Variants in DCC observed in about 807,000 individuals in gnomAD.
DCC encodes the protein netrin receptor DCC.
A neutral mutation model predicts 172.5 loss-of-function variants in DCC; 58 were observed. That is an observed-to-expected ratio of 0.34 (90% confidence interval 0.27 to 0.42). DCC has a LOEUF of 0.42. Ranked by LOEUF, DCC falls within the 10% of genes least tolerant of loss-of-function variation. DCC has a pLI of 1.00. For missense variants in DCC, 1,740 were observed against 1,791.0 expected (o/e 0.97, Z 0.51); for synonymous variants, 709 against 644.5 (o/e 1.10, Z -1.52).
chr18:53,215,734 G>C, intron 12 of DCC, 137 bp downstream of exon 12: 1 of 761,678 alleles, frequency 1.3e-6, no homozygotes, highest in South Asian at 1.4e-5. Flanking sequence ...AACACAGCAA[G>C]TGACATTGAT....
chr18:53,071,286 G>A (rs1599096672), intron 7 of DCC, among the ~76,000 whole-genome samples: 1 of 152,234 alleles, frequency 6.6e-6, no homozygotes, highest in East Asian at 1.9e-4. Context: ...TAAATTGAGT[G>A]AATGACTTGT....
At chr18:53,454,233 T>C (rs1228673733) in intron 23 of DCC, among the ~76,000 whole-genome samples, 3 of 152,132 alleles carry the variant, frequency 2.0e-5, no homozygotes, top group Non-Finnish European at 4.4e-5. Context: ...CAGTCCCAGA[T>C]ACTCAGGAGG....
chr18:53,098,418 T>C (rs1489289860), intron 7 of DCC, among the ~76,000 whole-genome samples: 1 of 152,210 alleles, frequency 6.6e-6, no homozygotes, highest in Non-Finnish European at 1.5e-5. Flanking sequence ...TTTCAATCTG[T>C]AACACTTTTT....
At chr18:53,215,057 G>T (rs1337826779) in intron 11 of DCC, among the ~76,000 whole-genome samples, 1 of 152,168 alleles carries the variant, frequency 6.6e-6, no homozygotes, top group Admixed American at 6.5e-5. Context: ...GAACTGAGAA[G>T]TATTTCTTCT....
chr18:52,739,296 T>C (rs953194581), intron 1 of DCC, among the ~76,000 whole-genome samples: 2 of 152,188 alleles, frequency 1.3e-5, no homozygotes, highest in Non-Finnish European at 2.9e-5. Context: ...ACATATGTTA[T>C]GATTTTTCTT....
chr18:53,376,822 T>C (rs767623669), intron 15 of DCC, among the ~76,000 whole-genome samples: 3 of 152,178 alleles, frequency 2.0e-5, no homozygotes, highest in Non-Finnish European at 4.4e-5. Context: ...CTTTATCTCA[T>C]TATCAAACTC....
intron 13 of DCC, among the ~76,000 whole-genome samples, chr18:53,306,508 T>G (rs1434140921): frequency 6.6e-6 from 1 of 152,216 alleles, no homozygotes; most frequent in East Asian, 1.9e-4. Flanking sequence ...AACACAGCAC[T>G]TGCTAGGTCT....
At chr18:52,940,404 T>C (rs2040443217) in intron 5 of DCC, among the ~76,000 whole-genome samples, 1 of 152,056 alleles carries the variant, frequency 6.6e-6, no homozygotes, top group Non-Finnish European at 1.5e-5. Flanking sequence ...TCTTAAAATA[T>C]CCCTTGTGTA....
At chr18:52,435,763 C>T (rs1236026491) in intron 1 of DCC, among the ~76,000 whole-genome samples, 2 of 152,148 alleles carry the variant, frequency 1.3e-5, no homozygotes, top group Non-Finnish European at 2.9e-5. Flanking sequence ...GTCTCGCTGC[C>T]CCGTGTTGGG....
intron 18 of DCC, among the ~76,000 whole-genome samples, chr18:53,402,410 A>G (rs1449463238): frequency 6.7e-6 from 1 of 149,384 alleles, no homozygotes; most frequent in Non-Finnish European, 1.5e-5. Flanking sequence ...AAAAATAAAT[A>G]AATAAATAAT....
In DCC at chr18:52,862,750, CTTACTCTT is replaced by C. The variant is rs1448941797; in HGVS notation, c.413-43289_413-43282del. ...AAAAAAAATTCAAAAATCAAAAACA[CTTACTCTT>C]TTACAGAGAGGAGAATCAGGTTTCC... On this transcript the variant is annotated intron_variant, in intron 2 of 28. Transcript: ENST00000442544. Among the ~76,000 whole-genome samples the C allele has an allele frequency of 1.2e-4, 18 of 150,898 alleles. No individual in the cohort carries two copies. In the South Asian group the frequency reaches 3.7e-3, roughly 31 times the overall value.
chr18:52,667,041 C>A (rs1164797742), intron 1 of DCC, among the ~76,000 whole-genome samples: 2 of 151,890 alleles, frequency 1.3e-5, no homozygotes, highest in Non-Finnish European at 2.9e-5. Flanking sequence ...ATCTGTGAGT[C>A]AAAATTTGAG....
At chr18:52,374,504 CTATA>C (rs111531316) in intron 1 of DCC, among the ~76,000 whole-genome samples, 1 of 147,430 alleles carries the variant, frequency 6.8e-6, no homozygotes. Flanking sequence ...GCTATAAATG[CTATA>C]TATATATATA....
At chr18:52,563,151 A>G (rs1037749429) in intron 1 of DCC, among the ~76,000 whole-genome samples, 6 of 152,150 alleles carry the variant, frequency 3.9e-5, no homozygotes, top group African/African-American at 1.4e-4. Flanking sequence ...CACAATGGGA[A>G]AAGGAAGGAA....
At chr18:52,919,798 A>G (rs1425738643) in intron 3 of DCC, among the ~76,000 whole-genome samples, 2 of 152,120 alleles carry the variant, frequency 1.3e-5, no homozygotes, top group African/African-American at 2.4e-5. Flanking sequence ...TAAGAAGAAC[A>G]AAGTCAAAGG....
chr18:52,598,847 T>C (rs1028541010), intron 1 of DCC, among the ~76,000 whole-genome samples: 2 of 152,162 alleles, frequency 1.3e-5, no homozygotes, highest in African/African-American at 4.8e-5. Context: ...GGAGGGCTGT[T>C]CTCTGCTTCC....
chr18:52,832,903 G>C (rs1015834423), intron 2 of DCC, among the ~76,000 whole-genome samples: 11 of 152,034 alleles, frequency 7.2e-5, no homozygotes, highest in African/African-American at 2.7e-4. Context: ...GGCAATTCCA[G>C]ACATTACTAA....
intron 7 of DCC, among the ~76,000 whole-genome samples, chr18:53,099,944 T>TTTC (rs1333371986): frequency 2.7e-4 from 26 of 95,054 alleles, no homozygotes; most frequent in African/African-American, 1.1e-3. Flanking sequence ...TCTTTCTTTC[T>TTTC]TTTTTTTTTT....
intron 2 of DCC, among the ~76,000 whole-genome samples, chr18:52,807,264 C>T (rs187996348): frequency 9.9e-5 from 15 of 152,260 alleles, no homozygotes; most frequent in Admixed American, 2.6e-4. Context: ...TAATACTAGA[C>T]GCACTGCGCC....
Sources: gnomAD v4.1 joint callset for allele counts (sites outside exome capture counted in the v4.1 genomes callset) on GRCh38, gnomAD v4.1.1 for gene constraint, MANE v1.5 for transcripts, NCBI Gene and HGNC (gene_info 2026-07-23, HGNC 2026-07-21) for gene names.